RPS6KC1: variants seen among roughly 807,000 people sequenced by gnomAD.
RPS6KC1 encodes inactive ribosomal protein S6 kinase delta-1.
RPS6KC1 carries 54 observed loss-of-function variants against 103.8 expected under a neutral mutation model. The observed-to-expected ratio is 0.52, with a 90% CI of 0.42 to 0.65. The LOEUF (loss-of-function observed/expected upper bound fraction) is 0.65, where lower values mean the gene tolerates loss of function less well. Ranked by LOEUF, RPS6KC1 falls within the 30% of genes least tolerant of loss-of-function variation. RPS6KC1 has a pLI of 0.00. For missense variants in RPS6KC1, 1,151 were observed against 1,253.8 expected (o/e 0.92, Z 1.24); for synonymous variants, 439 against 438.7 (o/e 1.00, Z -0.01).
the RPS6KC1 span, among the ~76,000 whole-genome samples, chr1:213,466,653 C>G: frequency 6.6e-6 from 1 of 152,164 alleles, no homozygotes; most frequent in Admixed American, 6.5e-5. Context: ...TCAGGATGCT[C>G]TAAGGCCCTT....
chr1:213,725,146 TA>T, the RPS6KC1 span, among the ~76,000 whole-genome samples: 1 of 152,230 alleles, frequency 6.6e-6, no homozygotes, highest in African/African-American at 2.4e-5. Flanking sequence ...CTGCCAACAT[TA>T]AAACATGCAA....
At chr1:213,360,653 T>G in the RPS6KC1 span, among the ~76,000 whole-genome samples, 1 of 152,164 alleles carries the variant, frequency 6.6e-6, no homozygotes, top group African/African-American at 2.4e-5. Context: ...GAATTTTCAG[T>G]TTTTTCTGTT....
chr1:213,652,674 A>G, the RPS6KC1 span, among the ~76,000 whole-genome samples: 1 of 152,196 alleles, frequency 6.6e-6, no homozygotes, highest in African/African-American at 2.4e-5. Flanking sequence ...CCCTGTGAAG[A>G]AGCTGGTCTG....
the RPS6KC1 span, among the ~76,000 whole-genome samples, chr1:213,289,240 G>A: frequency 8.6e-6 from 1 of 116,368 alleles, no homozygotes; most frequent in Admixed American, 1.2e-4. Flanking sequence ...ATTAATCTGG[G>A]GAGTTGGATG....
At chr1:213,771,953 C>A in the RPS6KC1 span, among the ~76,000 whole-genome samples, 3 of 152,068 alleles carry the variant, frequency 2.0e-5, no homozygotes, top group Admixed American at 2.0e-4. Context: ...GCGTGGGGGT[C>A]GCTTTCTTGA....
intron 8 of RPS6KC1, among the ~76,000 whole-genome samples, chr1:213,228,765 A>G (rs997327748): frequency 2.0e-5 from 3 of 152,096 alleles, no homozygotes; most frequent in Non-Finnish European, 2.9e-5. Context: ...AAAATAAATC[A>G]TTGGCTTTTT....
At chr1:213,801,023 GA>G in the RPS6KC1 span, among the ~76,000 whole-genome samples, 2 of 152,138 alleles carry the variant, frequency 1.3e-5, no homozygotes, top group Non-Finnish European at 2.9e-5. Flanking sequence ...TCAGGTCTGG[GA>G]TCTCTGCAGC....
At chr1:213,854,512 CTT>C in the RPS6KC1 span, among the ~76,000 whole-genome samples, 1 of 64,170 alleles carries the variant, frequency 1.6e-5, no homozygotes, top group Admixed American at 1.6e-4. Flanking sequence ...CTTTCTTTCT[CTT>C]TCTTTCTTTC....
At chr1:213,527,387 A>G in the RPS6KC1 span, among the ~76,000 whole-genome samples, 1 of 152,206 alleles carries the variant, frequency 6.6e-6, no homozygotes, top group African/African-American at 2.4e-5. Flanking sequence ...GAACAAGAAA[A>G]CTGAGGCTTG....
the RPS6KC1 span, among the ~76,000 whole-genome samples, chr1:213,456,018 T>C: frequency 1.3e-5 from 2 of 152,152 alleles, no homozygotes; most frequent in African/African-American, 2.4e-5. Flanking sequence ...TGGCCCCTCA[T>C]GCCCTTACAA....
the RPS6KC1 span, among the ~76,000 whole-genome samples, chr1:213,535,007 C>A: frequency 3.1e-4 from 47 of 152,276 alleles, 1 homozygote; most frequent in African/African-American, 1.1e-3. Context: ...TTCTAAGGTA[C>A]CCTACAACCT....
chr1:213,125,465 A>G (rs577924491), intron 5 of RPS6KC1, among the ~76,000 whole-genome samples: 145 of 152,082 alleles, frequency 9.5e-4, no homozygotes, highest in African/African-American at 3.4e-3. Context: ...TACACCTCTG[A>G]TAGGTTTTGG....
intron 3 of RPS6KC1, among the ~76,000 whole-genome samples, chr1:213,084,333 A>G (rs560601183): frequency 3.3e-5 from 5 of 152,288 alleles, no homozygotes; most frequent in African/African-American, 4.8e-5. Flanking sequence ...GCAGTGTCAC[A>G]GTCATGGCTC....
At chr1:213,761,921 A>G in the RPS6KC1 span, among the ~76,000 whole-genome samples, 1 of 152,016 alleles carries the variant, frequency 6.6e-6, no homozygotes, top group Non-Finnish European at 1.5e-5. Context: ...ATCTTTGATT[A>G]TTTTTCTATT....
At chr1:213,844,010 AAAG>A in the RPS6KC1 span, among the ~76,000 whole-genome samples, 2 of 152,112 alleles carry the variant, frequency 1.3e-5, no homozygotes, top group Admixed American at 6.5e-5. Flanking sequence ...GGAAAAAAAA[AAAG>A]AAGAAGAGAA....
intron 4 of RPS6KC1, among the ~76,000 whole-genome samples, chr1:213,112,471 TA>T (rs1371715329): frequency 2.0e-5 from 3 of 151,888 alleles, no homozygotes; most frequent in East Asian, 1.9e-4. Context: ...TTTATATCTT[TA>T]AAAAATATCT....
the RPS6KC1 span, among the ~76,000 whole-genome samples, chr1:213,625,322 A>T: frequency 6.6e-6 from 1 of 152,158 alleles, no homozygotes; most frequent in African/African-American, 2.4e-5. Flanking sequence ...CTATATTTTT[A>T]TATGTGTGTA....
intron 1 of RPS6KC1, among the ~76,000 whole-genome samples, chr1:213,061,162 C>A (rs192369417): frequency 6.6e-6 from 1 of 152,138 alleles, no homozygotes; most frequent in Non-Finnish European, 1.5e-5. Context: ...ACATCCACAT[C>A]CATCACATTG....
At chr1:213,756,310 G>A in the RPS6KC1 span, among the ~76,000 whole-genome samples, 2 of 152,262 alleles carry the variant, frequency 1.3e-5, no homozygotes, top group East Asian at 1.9e-4. Flanking sequence ...AGCAAGTTCC[G>A]GGAGACTGGA....
Sources: allele counts gnomAD v4.1 joint callset (sites outside exome capture counted in the v4.1 genomes callset), GRCh38; gene constraint gnomAD v4.1.1; transcripts MANE v1.5; gene names NCBI Gene and HGNC (gene_info 2026-07-23, HGNC 2026-07-21).